SETD2: variants seen among roughly 807,000 people sequenced by gnomAD.
The protein encoded by SETD2 is SET domain containing 2, histone lysine methyltransferase.
A neutral mutation model predicts 242.1 loss-of-function variants in SETD2; 31 were observed. The observed-to-expected ratio is 0.13, with a 90% CI of 0.10 to 0.17. SETD2 has a LOEUF of 0.17. SETD2 is among the 10% of genes least tolerant of loss of function. The probability of loss-of-function intolerance (pLI) is 1.00; values close to 1 mark genes in which losing one functional copy is unlikely to be tolerated. For synonymous variants in SETD2, 1,006 were observed against 1,066.5 expected (o/e 0.94, Z 1.11); for missense variants, 2,481 against 3,046.3 (o/e 0.81, Z 4.37).
chr3:47,124,005 G>C lies in SETD2; in HGVS notation c.631C>G (p.Pro211Ala), dbSNP rs1430967942. The change falls in exon 3 of 21, where the codon CCA becomes GCA. Residue 211 changes from proline (P) to alanine (A), a missense_variant. Pro to Ala is a conservative substitution (Grantham distance 27). Coordinates refer to ENST00000409792, the MANE Select transcript of SETD2 (RefSeq NM_014159.7). ...TLSSPAPVTE[P>A]VALPHTPITV... ...ATTGGTGTATGTGGCAAGGCCACTG[G>C]CTCTGTTACTGGTGCTGGTGATGAG... 6.4e-7 allele frequency: 1 copy of C among 1,552,214 alleles called. No homozygotes were observed. Among genetic ancestry groups the C allele is most frequent in the East Asian group, 2.4e-5 (1 of 40,924 alleles).
At chr3:47,135,125 A>G (rs954185530) in intron 1 of SETD2, among the ~76,000 whole-genome samples, 8 of 152,210 alleles carry the variant, frequency 5.3e-5, no homozygotes, top group Admixed American at 1.3e-4. Context: ...GGTACATCAA[A>G]TAACTATAAT....
At chr3:47,074,492 T>C (rs1041108485) in intron 12 of SETD2, among the ~76,000 whole-genome samples, 3 of 152,210 alleles carry the variant, frequency 2.0e-5, no homozygotes, top group African/African-American at 7.2e-5. Flanking sequence ...GTAAAGACCA[T>C]AGCTACTCAC....
At chr3:47,019,642 C>A in intron 19 of SETD2, 118 bp downstream of exon 19, 1 of 828,724 alleles carries the variant, frequency 1.2e-6, no homozygotes, top group Non-Finnish European at 2.0e-6. Context: ...ACACAAGGAA[C>A]ACCTTGTGTT....
In SETD2 at chr3:47,123,819, C is replaced by T. The variant is rs1299595121; in HGVS notation, c.817G>A (p.Glu273Lys). 1.3e-6 allele frequency: 2 copies of T among 1,548,108 alleles called. No homozygotes were observed. The highest frequency in any genetic ancestry group is 2.4e-5 in the South Asian group (2 of 83,714). ...TTTTTTGAGGAAATATCTGCTTGCT[C>T]ATTCAATATTTGAGTTACGTGTTCT... ...LEEHVTQILN[E>K]QADISSKKED... Residue 273 changes from glutamate to lysine, a missense_variant, in exon 3 of 21, where the codon GAG becomes AAG. By Grantham distance (56) the Glu-to-Lys change is moderately conservative (BLOSUM62 1). This residue lies in a region of SETD2 where 334 missense variants were observed against 374.5 expected (regional missense o/e 0.89). Coordinates refer to ENST00000409792, the MANE Select transcript of SETD2 (RefSeq NM_014159.7).
At chr3:47,115,906 AAAT>A (rs2042835312) in intron 4 of SETD2, among the ~76,000 whole-genome samples, 1 of 152,180 alleles carries the variant, frequency 6.6e-6, no homozygotes, top group African/African-American at 2.4e-5. Flanking sequence ...TCAGCCTCCC[AAAT>A]AGCTGGGATT....
chr3:47,087,860 T>C (rs1251264516), intron 10 of SETD2, among the ~76,000 whole-genome samples: 1 of 91,136 alleles, frequency 1.1e-5, no homozygotes, highest in African/African-American at 5.3e-5. Flanking sequence ...TCCCAGCTAC[T>C]CAGGACGCTG....
intron 5 of SETD2, among the ~76,000 whole-genome samples, chr3:47,110,670 C>T (rs561038263): frequency 2.6e-5 from 4 of 152,132 alleles, no homozygotes; most frequent in African/African-American, 7.2e-5. Flanking sequence ...CAGTAAACAA[C>T]GCAAGAGTTT....
rs2107577509 is a variant in SETD2 at position 47,057,388 on chromosome 3, C to G, written c.6396G>C (p.Arg2132=). 6.2e-7 allele frequency: 1 copy of G among 1,614,146 alleles called. No homozygotes were observed. Among genetic ancestry groups the G allele is most frequent in the African/African-American group, 1.3e-5 (1 of 75,024 alleles). ...TCTGTTGCTGTTGTTTCTGAGCCTC[C>G]CGTTGAGCCACCTCTTGCTCAAACA... The part of the protein sequence containing the change: ...RKLFEQEVAQ[R]EAQKQQQQMQ... The change falls in exon 15 of 21, where the codon CGG becomes CGC. Residue 2132 remains arginine, a synonymous_variant. Transcript: ENST00000409792.
chr3:47,087,035 TA>T (rs58714292), intron 10 of SETD2, among the ~76,000 whole-genome samples: 42,834 of 139,674 alleles, frequency 0.31, 6,366 homozygotes, highest in Non-Finnish European at 0.36. Context: ...AGCAAGACCC[TA>T]AAAAAAAAAA....
intron 9 of SETD2, among the ~76,000 whole-genome samples, chr3:47,095,721 A>C (rs1041697576): frequency 6.6e-5 from 10 of 152,102 alleles, no homozygotes; most frequent in Non-Finnish European, 1.5e-4. Context: ...AGTATCCATC[A>C]GTAGGAAAAT....
At chr3:47,026,919 AC>A (rs1470689227) in intron 18 of SETD2, among the ~76,000 whole-genome samples, 1 of 152,144 alleles carries the variant, frequency 6.6e-6, no homozygotes, top group African/African-American at 2.4e-5. Context: ...ACAAAACTGC[AC>A]GTTCTGCACA....
chr3:47,080,755 T>G, intron 12 of SETD2: 1 of 971,120 alleles, frequency 1.0e-6, no homozygotes, highest in South Asian at 4.8e-5. Flanking sequence ...CCTTGTGGAG[T>G]CAAGGCAGTG....
intron 1 of SETD2, among the ~76,000 whole-genome samples, chr3:47,139,747 C>A (rs2043682458): frequency 6.6e-6 from 1 of 151,994 alleles, no homozygotes; most frequent in Non-Finnish European, 1.5e-5. Flanking sequence ...AAAAAAAACA[C>A]TGATGAAAAA....
At chr3:47,086,399 T>G in intron 10 of SETD2, 85 bp from the exon 11 acceptor site, 1 of 1,365,082 alleles carries the variant, frequency 7.3e-7, no homozygotes, top group Admixed American at 1.9e-5. Context: ...AGTTCATGTA[T>G]ACGTTACACA....
rs182554544 is a variant in SETD2, at chr3:47,146,923, G to A, written c.71+16931C>T. On this transcript the variant is annotated intron_variant, in intron 1 of 20. Transcript: ENST00000409792. ...TTACTAGTCCACTCTAGGTGACAGA[G>A]TGAGACCCTGTCTTCAAAAAAAAAA... 4.1e-3 allele frequency among the ~76,000 whole-genome samples: 613 copies of A among 151,158 alleles called. 1 individual carries two copies. The highest frequency in any genetic ancestry group is 6.0e-3 in the Non-Finnish European group (405 of 67,860).
chr3:47,120,160 A>T (rs768322246), intron 3 of SETD2, 22 bp downstream of exon 3: 90 of 1,482,054 alleles, frequency 6.1e-5, no homozygotes, highest in Non-Finnish European at 1.5e-5. Flanking sequence ...AAATTTGTCA[A>T]ACAAGTATTA....
At chr3:47,019,713 C>A in intron 19 of SETD2, 47 bp downstream of exon 19, 1 of 1,482,006 alleles carries the variant, frequency 6.7e-7, no homozygotes, top group South Asian at 1.1e-5. Context: ...TGAAAGGGTT[C>A]AGATTTAAGC....
At position 47,122,384 on chromosome 3, in the gene SETD2, G is replaced by C. The variant is rs1283760445; in HGVS notation, c.2252C>G (p.Pro751Arg). 9.9e-6 allele frequency: 16 copies of C among 1,613,916 alleles called. No individual in the cohort carries two copies. Among genetic ancestry groups the C allele is most frequent in the Non-Finnish European group, 1.3e-5 (15 of 1,179,850 alleles). Residue 751 changes from proline to arginine, a missense_variant, in exon 3 of 21, where the codon CCT (proline) becomes CGT (arginine). Physicochemically the swap from Pro to Arg is moderately radical, Grantham distance 103 (BLOSUM62 -2). Around this residue, in one of 17 missense-constraint regions of SETD2, gnomAD observed 1,300 missense variants for 1,259.2 expected, o/e 1.03. Transcript: ENST00000409792. Reference sequence around the variant, plus strand: ...TTTATCTTGGTGTGGTGACACCAGAGGTTCTGTTTCTCTAAATGGGCTTTC... The same window carrying C: ...TTTATCTTGGTGTGGTGACACCAGACGTTCTGTTTCTCTAAATGGGCTTTC... ...KSESPFRETE[P>R]LVSPHQDKLM...
intron 1 of SETD2, among the ~76,000 whole-genome samples, chr3:47,129,502 C>T (rs1216013817): frequency 6.6e-6 from 1 of 152,172 alleles, no homozygotes; most frequent in Admixed American, 6.5e-5. Flanking sequence ...TGCTTCCCTC[C>T]CTCATGATAG....
Sources: allele counts gnomAD v4.1 joint callset (sites outside exome capture counted in the v4.1 genomes callset), GRCh38; gene constraint gnomAD v4.1.1; regional missense constraint gnomAD v4.1.1; transcripts MANE v1.5; gene names NCBI Gene and HGNC (gene_info 2026-07-23, HGNC 2026-07-21).